PCDHGA5: variants seen among roughly 807,000 people sequenced by gnomAD.
PCDHGA5 encodes protocadherin gamma subfamily A, 5, also known as protocadherin gamma-A5.
In PCDHGA5, 36 loss-of-function variants were observed where a neutral mutation model predicts 56.7. The ratio of observed to expected loss-of-function variants is 0.64; its 90% CI spans 0.49 to 0.84. PCDHGA5 has a LOEUF of 0.84. PCDHGA5 is among the 40% of genes least tolerant of loss of function. The pLI is 0.00. For missense variants in PCDHGA5, 1,305 were observed against 1,201.5 expected, an observed-to-expected ratio of 1.09 and a Z score of -1.27; for synonymous variants, 563 against 520.2, an observed-to-expected ratio of 1.08 and a Z score of -1.12.
chr5:141,367,183 G>A lies in PCDHGA5; in HGVS notation c.2421+432G>A, dbSNP rs190214885. On this transcript the variant is annotated intron_variant, in intron 1 of 3. Coordinates refer to ENST00000518069, the MANE Select transcript of PCDHGA5 (RefSeq NM_018918.3). Reference sequence around the variant, plus strand: ...TTAGTCTACCTGAAATTTGTTTAAGGAAATAATTTACAGTATTTACATAAA... The same window carrying A: ...TTAGTCTACCTGAAATTTGTTTAAGAAAATAATTTACAGTATTTACATAAA... 1.5e-3 allele frequency: 236 copies of A among 158,878 alleles called. 2 individuals carry two copies. The Middle Eastern group carries it at 0.027, about 18-fold the overall frequency. The allele number at this position is 158,878 out of a possible 1,614,324, so 9.8% of individuals were successfully genotyped here.
At chr5:141,395,815 A>T (rs1243382510) in intron 1 of PCDHGA5, 1 of 152,044 alleles carries the variant, frequency 6.6e-6, no homozygotes, top group Non-Finnish European at 1.5e-5. Context: ...AAACATGAAC[A>T]AACTTTAAAG....
chr5:141,457,701 G>A (rs1341216514), intron 1 of PCDHGA5, among the ~76,000 whole-genome samples: 1 of 152,222 alleles, frequency 6.6e-6, no homozygotes, highest in Admixed American at 6.5e-5. Context: ...TGGCTTTGAT[G>A]AAACACTGTT....
Position 141,485,465 on chromosome 5 carries a change from C to A in PCDHGA5, c.2422-9342C>A, listed in dbSNP as rs2099614061. 6.2e-7 allele frequency: 1 copy of A among 1,614,044 alleles called. No homozygotes were observed. Among genetic ancestry groups the A allele is most frequent in the African/African-American group, 1.3e-5 (1 of 74,918 alleles). ...AATCGACCGAGAGGCACTGTGTGGG[C>A]TCAGTGCCAGCTGCATCGTGCCCCT... On this transcript the variant is annotated intron_variant, in intron 1 of 3. Transcript: ENST00000518069. This position sits in a 1 kb window ranked among gnomAD's most constrained non-coding sequence, Gnocchi z 5.7.
rs1272109802 is a variant in PCDHGA5 at position 141,403,110 on chromosome 5, C to G, written c.2421+36359C>G. The G allele has an allele frequency of 6.2e-7, 1 of 1,614,084 alleles. No individual in the cohort carries two copies. The highest frequency in any genetic ancestry group is 1.7e-5 in the Admixed American group (1 of 60,032). The stretch of plus-strand genomic sequence containing the variant: ...GTGGGCAACATCTCCAAGGACCTGG[C>G]TCTGGAGCCCCGGGAGCTGGCGGAG... On this transcript the variant is annotated intron_variant, in intron 1 of 3. Transcript: ENST00000518069.
intron 2 of PCDHGA5, among the ~76,000 whole-genome samples, chr5:141,496,391 A>G (rs1473991011): frequency 1.3e-5 from 2 of 151,930 alleles, no homozygotes; most frequent in Admixed American, 6.6e-5. Flanking sequence ...ACCTTACCCT[A>G]CCTCCTCAAT....
intron 1 of PCDHGA5, chr5:141,413,378 T>G (rs2095632557): frequency 6.2e-7 from 1 of 1,613,616 alleles, no homozygotes; most frequent in Non-Finnish European, 8.5e-7. Context: ...GAGCGCGGAG[T>G]CCGCATAGTC....
intron 1 of PCDHGA5, chr5:141,409,428 C>T (rs2095264686): frequency 6.2e-7 from 1 of 1,613,870 alleles, no homozygotes; most frequent in Admixed American, 1.7e-5. Context: ...ACAGATGGAG[C>T]CCTGGACCGA....
chr5:141,433,209 T>A, intron 1 of PCDHGA5: 3 of 465,024 alleles, frequency 6.5e-6, no homozygotes, highest in South Asian at 1.0e-4. Context: ...ATCTTCTTTC[T>A]TTTTTTTTTT....
chr5:141,423,310 G>C, intron 1 of PCDHGA5: 2 of 1,614,180 alleles, frequency 1.2e-6, no homozygotes, highest in Non-Finnish European at 1.7e-6. Context: ...GCTGTACTTG[G>C]TGGTGGCGGT....
chr5:141,429,697 C>T (rs2097236349), intron 1 of PCDHGA5, among the ~76,000 whole-genome samples: 1 of 152,134 alleles, frequency 6.6e-6, no homozygotes, highest in African/African-American at 2.4e-5. Context: ...AATATCTTTA[C>T]AGTATAAATA....
At chr5:141,450,152 A>G (rs958894990) in intron 1 of PCDHGA5, among the ~76,000 whole-genome samples, 1 of 151,132 alleles carries the variant, frequency 6.6e-6, no homozygotes, top group East Asian at 2.0e-4. Context: ...GACTACAGGC[A>G]TGTGCCACCA....
At chr5:141,370,704 C>T (rs1767132773) in intron 1 of PCDHGA5, 1 of 1,613,760 alleles carries the variant, frequency 6.2e-7, no homozygotes, top group African/African-American at 1.3e-5. Context: ...GACGTGTGTT[C>T]TGGAATTTGA....
intron 1 of PCDHGA5, among the ~76,000 whole-genome samples, chr5:141,435,043 C>T (rs2097739230): frequency 1.3e-5 from 2 of 151,658 alleles, no homozygotes; most frequent in African/African-American, 2.4e-5. Flanking sequence ...ATTTTTTTCC[C>T]ATTGACCATG....
intron 1 of PCDHGA5, among the ~76,000 whole-genome samples, chr5:141,382,409 G>A (rs1360537214): frequency 6.6e-6 from 1 of 152,188 alleles, no homozygotes; most frequent in Non-Finnish European, 1.5e-5. Context: ...GCAATAACGT[G>A]TGAGTCAGTG....
intron 1 of PCDHGA5, chr5:141,410,836 ATT>A (rs371761731): frequency 1.6e-5 from 4 of 254,870 alleles, no homozygotes; most frequent in African/African-American, 1.4e-4. Flanking sequence ...GACTGAAGAT[ATT>A]TTGTCTTTGT....
chr5:141,373,898 A>G (rs1039826496), intron 1 of PCDHGA5: 7 of 541,044 alleles, frequency 1.3e-5, no homozygotes, highest in African/African-American at 1.2e-4. Context: ...CTCAAGTTAC[A>G]TCCTCCAACA....
At position 141,485,930 on chromosome 5, in the gene PCDHGA5, G is replaced by C; in HGVS notation, c.2422-8877G>C. ...ATCCAGCTACAGGATTAGTGTGTTGGAGAGCGCACCAGCGGGCATGGTGCT... is the reference window on the plus strand; with the variant it reads ...ATCCAGCTACAGGATTAGTGTGTTGCAGAGCGCACCAGCGGGCATGGTGCT... On this transcript the variant is annotated intron_variant, in intron 1 of 3. Coordinates refer to ENST00000518069, the MANE Select transcript of PCDHGA5 (RefSeq NM_018918.3). The surrounding 1 kb of genome is among the most constrained non-coding windows in gnomAD (Gnocchi z 5.7). 6.2e-7 allele frequency: 1 copy of C among 1,614,178 alleles called. No homozygotes were observed. The highest frequency in any genetic ancestry group is 8.5e-7 in the Non-Finnish European group (1 of 1,180,042).
At chr5:141,384,550 T>C (rs1262991038) in intron 1 of PCDHGA5, 1 of 1,614,220 alleles carries the variant, frequency 6.2e-7, no homozygotes, top group Non-Finnish European at 8.5e-7. Context: ...ACTGAGCCTG[T>C]TCGTGCTGGA....
chr5:141,398,148 G>T lies in PCDHGA5; in HGVS notation c.2421+31397G>T, dbSNP rs768560617. The T allele has an allele frequency of 9.4e-6, 14 of 1,497,140 alleles. 1 individual carries two copies. Among genetic ancestry groups the T allele is most frequent in the East Asian group, 9.3e-5 (4 of 42,788 alleles). 92.7% of individuals were successfully genotyped at this position (1,497,140 alleles called of 1,614,324 possible). On this transcript the variant is annotated intron_variant, in intron 1 of 3. Coordinates refer to ENST00000518069, the MANE Select transcript of PCDHGA5 (RefSeq NM_018918.3). ...GAGGGATGGGGAGCGGCGCCGGGGA[G>T]CTGGGCCGGGCTGAGAGGCTGCCAG...
Sources: allele counts gnomAD v4.1 joint callset (sites outside exome capture counted in the v4.1 genomes callset), GRCh38; gene constraint gnomAD v4.1.1; non-coding constraint Gnocchi (gnomAD v3.1); transcripts MANE v1.5; gene names NCBI Gene and HGNC (gene_info 2026-07-23, HGNC 2026-07-21).